MAMDC2: variants seen among roughly 807,000 people sequenced by gnomAD.
MAMDC2 encodes the protein MAM domain containing 2, also known as MAM domain-containing protein 2.
In MAMDC2, 57 loss-of-function variants were observed where a neutral mutation model predicts 89.8. That is an observed-to-expected ratio of 0.63 (90% CI 0.51 to 0.79). MAMDC2 has a LOEUF of 0.79. Ranked by LOEUF, MAMDC2 falls within the 30% of genes least tolerant of loss-of-function variation. The pLI is 0.00. For missense variants in MAMDC2, 800 were observed against 820.6 expected (o/e 0.97, Z 0.31); for synonymous variants, 313 against 293.4 (o/e 1.07, Z -0.68).
At chr9:70,161,413 A>T (rs1390786547) in intron 9 of MAMDC2, among the ~76,000 whole-genome samples, 1 of 152,174 alleles carries the variant, frequency 6.6e-6, no homozygotes, top group African/African-American at 2.4e-5. Context: ...AAAAGAAAAA[A>T]CTAACCAGAT....
At chr9:70,083,500 C>A (rs1453485996) in intron 2 of MAMDC2, 1 of 152,028 alleles carries the variant, frequency 6.6e-6, no homozygotes, top group East Asian at 1.9e-4. Flanking sequence ...AAAGCAAGTC[C>A]TGTCCAATCC....
At chr9:70,130,211 A>T (rs1266926148) in intron 6 of MAMDC2, among the ~76,000 whole-genome samples, 1 of 152,176 alleles carries the variant, frequency 6.6e-6, no homozygotes, top group East Asian at 1.9e-4. Context: ...ACTTCAACAC[A>T]GGAATTGTGT....
chr9:70,044,648 C>T lies in MAMDC2; in HGVS notation c.99C>T (p.Cys33=). The change falls in exon 2 of 14, where the codon TGC becomes TGT. Residue 33 remains cysteine, a synonymous_variant. Transcript: ENST00000377182. ...AGSCAFEEST[C]GFDSVLASLP... ...CCTGTGCCTTTGAAGAGAGCACTTG[C>T]GGCTTTGACTCCGTGTTGGCCTCTC... 1.9e-6 allele frequency: 3 copies of T among 1,551,604 alleles called. No individual in the cohort carries two copies. Among genetic ancestry groups the T allele is most frequent in the Middle Eastern group, 1.7e-4 (1 of 5,932 alleles).
At chr9:70,067,387 C>T (rs1827292328) in intron 2 of MAMDC2, among the ~76,000 whole-genome samples, 1 of 152,142 alleles carries the variant, frequency 6.6e-6, no homozygotes, top group Non-Finnish European at 1.5e-5. Context: ...TCATCTGTGG[C>T]ATAGATATTG....
chr9:70,114,002 A>G (rs1006640003), intron 5 of MAMDC2: 1 of 152,018 alleles, frequency 6.6e-6, no homozygotes, highest in African/African-American at 2.4e-5. Flanking sequence ...CCCATGCCTG[A>G]AGACATAATG....
chr9:70,208,063 C>T (rs139235426), intron 11 of MAMDC2, among the ~76,000 whole-genome samples: 244 of 152,224 alleles, frequency 1.6e-3, no homozygotes, highest in Middle Eastern at 3.4e-3. Context: ...AGTCCGGTAG[C>T]GTAATGCTTC....
chr9:70,163,229 C>CTTTTTTT (rs66957093), intron 9 of MAMDC2, among the ~76,000 whole-genome samples: 6 of 125,112 alleles, frequency 4.8e-5, no homozygotes, highest in Admixed American at 1.7e-4. Flanking sequence ...TTCTTTCTTT[C>CTTTTTTT]TTTTTTTTTT....
At chr9:70,081,198 T>C (rs11141566) in intron 2 of MAMDC2, among the ~76,000 whole-genome samples, 1 of 151,874 alleles carries the variant, frequency 6.6e-6, no homozygotes, top group Non-Finnish European at 1.5e-5. Context: ...AAGATTTAAT[T>C]TGGGAGTAGG....
intron 7 of MAMDC2, among the ~76,000 whole-genome samples, chr9:70,139,690 C>T (rs900280921): frequency 1.3e-5 from 2 of 152,094 alleles, no homozygotes; most frequent in Non-Finnish European, 1.5e-5. Flanking sequence ...CCTGAGGAAT[C>T]GCCACACTGA....
At position 70,185,515 on chromosome 9, in the gene MAMDC2, G is replaced by T. The variant is rs940437274; in HGVS notation, c.1651+14884G>T. On this transcript the variant is annotated intron_variant, in intron 11 of 13. Transcript: ENST00000377182. ...GCACCCACAGCTACCCCTTCCCCCA[G>T]GGGCTCTGTCCCAGGGAGATGGGAA... Among the ~76,000 whole-genome samples, 6 of 152,202 alleles carry T rather than the reference G, an allele frequency of 3.9e-5. No homozygotes were observed. The East Asian group carries it at 1.2e-3, about 29-fold the overall frequency.
intron 11 of MAMDC2, among the ~76,000 whole-genome samples, chr9:70,192,064 A>G (rs1207924973): frequency 6.6e-6 from 1 of 152,082 alleles, no homozygotes; most frequent in African/African-American, 2.4e-5. Flanking sequence ...TGTTCTCTGA[A>G]TAGCATCTAA....
intron 2 of MAMDC2, chr9:70,082,976 A>C (rs1827686347): frequency 6.6e-6 from 1 of 152,242 alleles, no homozygotes; most frequent in South Asian, 2.1e-4. Context: ...ATGTAAAAAA[A>C]ATTAAGATAC....
At chr9:70,095,903 C>T (rs1171445974) in intron 2 of MAMDC2, among the ~76,000 whole-genome samples, 1 of 152,160 alleles carries the variant, frequency 6.6e-6, no homozygotes, top group Non-Finnish European at 1.5e-5. Flanking sequence ...TTTTACATCC[C>T]ACTCACAGTG....
chr9:70,213,515 T>C (rs1030774211), intron 11 of MAMDC2, among the ~76,000 whole-genome samples: 20 of 152,192 alleles, frequency 1.3e-4, no homozygotes, highest in African/African-American at 4.3e-4. Context: ...CCTTTGTACA[T>C]AGTTAGGTGA....
intron 2 of MAMDC2, chr9:70,063,197 G>C (rs1827187733): frequency 6.6e-6 from 1 of 152,216 alleles, no homozygotes. Flanking sequence ...GGAGGCTGCA[G>C]AGCCGAGATC....
rs2033641229 is a variant in MAMDC2, at chr9:70,226,457, CGG to C, written c.*428_*429del. On this transcript the variant is annotated 3_prime_UTR_variant, in exon 14 of 14. Transcript: ENST00000377182. The stretch of plus-strand genomic sequence containing the variant: ...ATAAATATTTTTAAAGTAAATAATA[CGG>C]GGTGTCAGTAATATCTGCAGAATGA... 1 of 152,520 alleles carries C rather than the reference CGG, an allele frequency of 6.6e-6. No individual in the cohort carries two copies. Among genetic ancestry groups the C allele is most frequent in the Non-Finnish European group, 1.5e-5 (1 of 68,070 alleles). 9.4% of individuals were successfully genotyped at this position (152,520 alleles called of 1,614,324 possible).
chr9:70,116,900 C>T (rs1236909964), intron 5 of MAMDC2, among the ~76,000 whole-genome samples: 1 of 152,138 alleles, frequency 6.6e-6, no homozygotes, highest in African/African-American at 2.4e-5. Context: ...CCATCTCCCT[C>T]TCTCTATTTT....
At chr9:70,069,714 C>A (rs774881135) in intron 2 of MAMDC2, among the ~76,000 whole-genome samples, 1 of 152,100 alleles carries the variant, frequency 6.6e-6, no homozygotes, top group Admixed American at 6.6e-5. Flanking sequence ...AGCATTGGTC[C>A]CTATCCACAC....
At chr9:70,192,355 T>G (rs17454349) in intron 11 of MAMDC2, among the ~76,000 whole-genome samples, 7,113 of 152,240 alleles carry the variant, frequency 0.047, 200 homozygotes, top group South Asian at 0.073. Context: ...ATGATTATTA[T>G]ACTCAAAATA....
Sources: gnomAD v4.1 joint callset for allele counts (sites outside exome capture counted in the v4.1 genomes callset) on GRCh38, gnomAD v4.1.1 for gene constraint, MANE v1.5 for transcripts, NCBI Gene and HGNC (gene_info 2026-07-23, HGNC 2026-07-21) for gene names.